Variants in KCNIP4 observed in about 807,000 individuals in gnomAD.
KCNIP4 encodes potassium voltage-gated channel interacting protein 4.
KCNIP4 carries 12 observed loss-of-function variants against 34.0 expected under a neutral mutation model. The ratio of observed to expected loss-of-function variants is 0.35; its 90% CI spans 0.23 to 0.57. KCNIP4 has a LOEUF of 0.57. Ranked by LOEUF, KCNIP4 falls within the 20% of genes least tolerant of loss-of-function variation. The pLI, the probability that KCNIP4 is intolerant of heterozygous loss-of-function variation, is 0.83. For synonymous variants in KCNIP4, 124 were observed against 102.2 expected (o/e 1.21, Z -1.29); for missense variants, 238 against 311.7 (o/e 0.76, Z 1.78).
At chr4:21,120,274 G>T (rs551033214) in intron 1 of KCNIP4, among the ~76,000 whole-genome samples, 8 of 152,290 alleles carry the variant, frequency 5.3e-5, no homozygotes, top group African/African-American at 1.4e-4. Flanking sequence ...TCACAGACTA[G>T]GGGGCTTAAA....
At position 21,186,275 on chromosome 4, in the gene KCNIP4, G is replaced by A. The variant is rs114343308; in HGVS notation, c.62-303566C>T. ...AACAGTGACTTTGTGAAAGAAGTAT[G>A]TACTTTTCAAAGCTCAACTCCTTGT... On this transcript the variant is annotated intron_variant, in intron 1 of 8. Transcript: ENST00000382152. Among the ~76,000 whole-genome samples, 1,367 of 152,260 alleles carry A rather than the reference G, an allele frequency of 9.0e-3. 30 individuals carry two copies. Among genetic ancestry groups the A allele is most frequent in the African/African-American group, 0.031 (1,293 of 41,544 alleles).
At chr4:21,104,598 A>T (rs1159930802) in intron 1 of KCNIP4, among the ~76,000 whole-genome samples, 2 of 152,068 alleles carry the variant, frequency 1.3e-5, no homozygotes, top group Non-Finnish European at 2.9e-5. Flanking sequence ...CTTTAGTTTA[A>T]TTAGATCCCA....
At chr4:21,379,653 A>G (rs1288706395) in intron 1 of KCNIP4, among the ~76,000 whole-genome samples, 2 of 152,190 alleles carry the variant, frequency 1.3e-5, no homozygotes, top group Admixed American at 6.5e-5. Flanking sequence ...CCTTCATAGA[A>G]CCCTAGCACA....
intron 1 of KCNIP4, among the ~76,000 whole-genome samples, chr4:21,156,015 TA>T (rs1753123787): frequency 6.6e-6 from 1 of 152,166 alleles, no homozygotes; most frequent in Non-Finnish European, 1.5e-5. Flanking sequence ...TCTCTTTCAA[TA>T]AATAGGTAAG....
chr4:21,378,703 G>A (rs1721196082), intron 1 of KCNIP4, among the ~76,000 whole-genome samples: 1 of 152,022 alleles, frequency 6.6e-6, no homozygotes, highest in Admixed American at 6.6e-5. Context: ...ACAGTTTCCA[G>A]CTATCCCTTA....
chr4:21,132,955 G>A (rs1441859817), intron 1 of KCNIP4, among the ~76,000 whole-genome samples: 1 of 151,374 alleles, frequency 6.6e-6, no homozygotes, highest in Non-Finnish European at 1.5e-5. Flanking sequence ...AGAAGTTGCA[G>A]TCAGCTGAGA....
intron 2 of KCNIP4, among the ~76,000 whole-genome samples, chr4:20,851,771 A>C (rs1462288717): frequency 6.6e-6 from 1 of 152,226 alleles, no homozygotes; most frequent in Non-Finnish European, 1.5e-5. Context: ...TCTATATAAC[A>C]ACCACTAGTT....
chr4:21,475,166 T>C (rs1730845551), intron 1 of KCNIP4, among the ~76,000 whole-genome samples: 1 of 152,218 alleles, frequency 6.6e-6, no homozygotes, highest in Admixed American at 6.5e-5. Context: ...CAATATATTC[T>C]TTCTAAAATA....
chr4:21,082,696 C>T lies in KCNIP4; in HGVS notation c.62-199987G>A, dbSNP rs186070295. ...CAGAAATGATGAGAAATGAGATAAG[C>T]CAGTAGGACTAATTCAACTAGAACT... On this transcript the variant is annotated intron_variant, in intron 1 of 8. Coordinates refer to ENST00000382152, the MANE Select transcript of KCNIP4 (RefSeq NM_025221.6). 2.6e-5 allele frequency among the ~76,000 whole-genome samples: 4 copies of T among 151,652 alleles called. No individual in the cohort carries two copies. The East Asian group carries it at 7.7e-4, about 29-fold the overall frequency.
At chr4:20,778,834 A>C (rs1017446310) in intron 3 of KCNIP4, among the ~76,000 whole-genome samples, 2 of 152,194 alleles carry the variant, frequency 1.3e-5, no homozygotes, top group African/African-American at 4.8e-5. Context: ...GAGTATAAGA[A>C]TGAGACTTGC....
chr4:21,360,548 A>G (rs768369390), intron 1 of KCNIP4, among the ~76,000 whole-genome samples: 4 of 152,068 alleles, frequency 2.6e-5, no homozygotes, highest in Non-Finnish European at 5.9e-5. Context: ...ATTCCTAGCC[A>G]GTGTGTCATT....
At chr4:21,529,540 G>GT (rs946662060) in intron 1 of KCNIP4, among the ~76,000 whole-genome samples, 84 of 151,958 alleles carry the variant, frequency 5.5e-4, no homozygotes, top group Non-Finnish European at 1.1e-3. Flanking sequence ...ATCAATCTTA[G>GT]TTTTTTTTAT....
At chr4:21,238,937 A>T (rs1759582872) in intron 1 of KCNIP4, among the ~76,000 whole-genome samples, 2 of 152,196 alleles carry the variant, frequency 1.3e-5, no homozygotes. Context: ...AGCCAAAAGA[A>T]CAAAGCTGGA....
intron 1 of KCNIP4, among the ~76,000 whole-genome samples, chr4:21,509,083 T>G (rs568880782): frequency 6.6e-6 from 1 of 152,250 alleles, no homozygotes; most frequent in Non-Finnish European, 1.5e-5. Context: ...GCAAAGCTCA[T>G]CCCAGCTAAT....
At chr4:20,977,522 T>G (rs1735606460) in intron 1 of KCNIP4, among the ~76,000 whole-genome samples, 1 of 152,266 alleles carries the variant, frequency 6.6e-6, no homozygotes, top group East Asian at 1.9e-4. Flanking sequence ...CACTGCCCAC[T>G]TAAAATTATA....
At chr4:20,879,316 A>T (rs1238170450) in intron 2 of KCNIP4, among the ~76,000 whole-genome samples, 1 of 152,104 alleles carries the variant, frequency 6.6e-6, no homozygotes, top group African/African-American at 2.4e-5. Context: ...CTCTTGCTCA[A>T]CTACCAATCA....
intron 1 of KCNIP4, among the ~76,000 whole-genome samples, chr4:21,422,064 A>G (rs917718809): frequency 1.1e-4 from 16 of 152,232 alleles, no homozygotes; most frequent in Non-Finnish European, 8.8e-5. Context: ...GAATGAAAAG[A>G]GAAAGAGATG....
At chr4:21,277,367 T>A (rs1216577165) in intron 1 of KCNIP4, among the ~76,000 whole-genome samples, 1 of 152,120 alleles carries the variant, frequency 6.6e-6, no homozygotes, top group Non-Finnish European at 1.5e-5. Flanking sequence ...TATAAGGAAT[T>A]CAGAGGCTAC....
At chr4:21,470,406 G>C (rs544553090) in intron 1 of KCNIP4, among the ~76,000 whole-genome samples, 33 of 151,960 alleles carry the variant, frequency 2.2e-4, no homozygotes, top group South Asian at 1.7e-3. Context: ...CCTCTTCTTT[G>C]AACTAAGTAC....
Sources: gnomAD v4.1 joint callset for allele counts (sites outside exome capture counted in the v4.1 genomes callset) on GRCh38, gnomAD v4.1.1 for gene constraint, MANE v1.5 for transcripts, NCBI Gene and HGNC (gene_info 2026-07-23, HGNC 2026-07-21) for gene names.